Variants in BMPER observed in about 807,000 individuals in gnomAD.
BMPER encodes BMP binding endothelial regulator.
BMPER carries 45 observed loss-of-function variants against 87.3 expected under a neutral mutation model. The observed-to-expected ratio is 0.52, with a 90% CI of 0.41 to 0.66. The LOEUF is 0.66. Among genes scored for constraint, BMPER ranks in the 30% least tolerant of loss-of-function variants. The pLI is 0.00. For missense variants in BMPER, 784 were observed against 867.5 expected (o/e 0.90, Z 1.21); for synonymous variants, 326 against 316.2 (o/e 1.03, Z -0.33).
chr7:34,069,001 TATGA>T (rs1788666905), intron 11 of BMPER, among the ~76,000 whole-genome samples: 1 of 152,234 alleles, frequency 6.6e-6, no homozygotes, highest in East Asian at 1.9e-4. Context: ...GGTGTAGCAT[TATGA>T]CATAGTTCAA....
intron 3 of BMPER, among the ~76,000 whole-genome samples, chr7:33,953,292 C>G (rs1785070652): frequency 6.6e-6 from 1 of 152,234 alleles, no homozygotes; most frequent in Non-Finnish European, 1.5e-5. Context: ...AGACAGGGAA[C>G]TTCTAAGCCT....
chr7:34,008,250 T>A (rs568755673), intron 6 of BMPER, among the ~76,000 whole-genome samples: 1 of 152,050 alleles, frequency 6.6e-6, no homozygotes, highest in African/African-American at 2.4e-5. Flanking sequence ...GTCTTTCATG[T>A]TGATTTCCAA....
intron 3 of BMPER, among the ~76,000 whole-genome samples, chr7:33,965,883 T>C (rs1366481660): frequency 1.3e-5 from 2 of 152,090 alleles, no homozygotes; most frequent in Admixed American, 6.6e-5. Context: ...AGATGGGTAG[T>C]TTCAGATTCG....
intron 6 of BMPER, among the ~76,000 whole-genome samples, chr7:34,024,377 AAAAAAC>A (rs1787287778): frequency 1.2e-4 from 11 of 90,894 alleles, no homozygotes; most frequent in African/African-American, 6.3e-4. Context: ...AAAAAAAAAA[AAAAAAC>A]AATATATATA....
chr7:34,072,435 G>A (rs900885551), intron 11 of BMPER, among the ~76,000 whole-genome samples: 29 of 139,718 alleles, frequency 2.1e-4, no homozygotes, highest in African/African-American at 6.6e-4. Context: ...GAAGAGAATC[G>A]ATTTTTTTTT....
intron 2 of BMPER, among the ~76,000 whole-genome samples, chr7:33,935,533 G>A (rs368727892): frequency 2.8e-4 from 42 of 152,024 alleles, no homozygotes; most frequent in African/African-American, 1.0e-3. Flanking sequence ...GAGTAAATGA[G>A]GTCAGCCCCT....
rs761969260 is a variant in BMPER, at chr7:34,061,979, G to A, written c.1033-23G>A. ...TTTTTTTTTTTTAAACAGTAACTTT[G>A]TATTTGTTTTTCTTCTGATTAGGGC... On this transcript the variant is annotated intron_variant, in intron 10 of 14. Coordinates refer to ENST00000649409, the MANE Select transcript of BMPER (RefSeq NM_001365308.1). 2.7e-6 allele frequency: 4 copies of A among 1,459,388 alleles called. No individual in the cohort carries two copies. In the South Asian group the frequency reaches 3.6e-5, roughly 13 times the overall value. 90.4% of individuals were successfully genotyped at this position (1,459,388 alleles called of 1,614,324 possible).
intron 7 of BMPER, among the ~76,000 whole-genome samples, chr7:34,050,597 T>A (rs1489603749): frequency 6.6e-6 from 1 of 152,170 alleles, no homozygotes; most frequent in African/African-American, 2.4e-5. Flanking sequence ...TTGGGCCTAC[T>A]GATAAACAGA....
chr7:34,134,698 C>T (rs936825593), intron 13 of BMPER, among the ~76,000 whole-genome samples: 1 of 152,076 alleles, frequency 6.6e-6, no homozygotes, highest in African/African-American at 2.4e-5. Context: ...ATCCCTTCCC[C>T]GTTATTAGAT....
In BMPER at chr7:34,154,294, G is replaced by A. The variant is rs2127997721; in HGVS notation, c.*1021G>A. On this transcript the variant is annotated 3_prime_UTR_variant, in exon 15 of 15. Coordinates refer to ENST00000649409, the MANE Select transcript of BMPER (RefSeq NM_001365308.1). ...ATTAGACAGTGGAAAAGCCTTTATT[G>A]ACTAATTGATTTAACCTCAGTCCAA... 1 of 152,316 alleles carries A rather than the reference G, an allele frequency of 6.6e-6. No individual in the cohort carries two copies. Among genetic ancestry groups the A allele is most frequent in the African/African-American group, 2.4e-5 (1 of 41,570 alleles). The allele number at this position is 152,316 out of a possible 1,614,324, so 9.4% of individuals were successfully genotyped here. A position where few individuals can be genotyped will look rare whatever the true frequency, so the allele number is the denominator to read the frequency against.
intron 3 of BMPER, among the ~76,000 whole-genome samples, chr7:33,950,216 G>A (rs930277336): frequency 1.3e-5 from 2 of 152,126 alleles, no homozygotes; most frequent in South Asian, 4.1e-4. Context: ...AATGTTCCTG[G>A]CCATGGTGGA....
intron 13 of BMPER, among the ~76,000 whole-genome samples, chr7:34,137,499 G>A (rs1790749675): frequency 6.6e-6 from 1 of 152,194 alleles, no homozygotes; most frequent in African/African-American, 2.4e-5. Context: ...CACTGTGCTG[G>A]GGGGCTAGAT....
intron 6 of BMPER, among the ~76,000 whole-genome samples, chr7:34,042,398 A>G (rs796308035): frequency 8.5e-5 from 13 of 152,306 alleles, no homozygotes; most frequent in African/African-American, 2.9e-4. Flanking sequence ...ATTTGTCCTT[A>G]TGTATTTTAA....
chr7:34,028,481 G>T (rs569468613), intron 6 of BMPER, among the ~76,000 whole-genome samples: 107 of 151,480 alleles, frequency 7.1e-4, no homozygotes, highest in Admixed American at 2.7e-3. Flanking sequence ...TTTTAAGAGA[G>T]TAAAGGGATC....
At chr7:34,100,430 G>C (rs1027723759) in intron 13 of BMPER, among the ~76,000 whole-genome samples, 1 of 152,140 alleles carries the variant, frequency 6.6e-6, no homozygotes, top group East Asian at 1.9e-4. Flanking sequence ...AGAGGCAGGA[G>C]GAATGGGTCT....
At chr7:34,014,494 C>T (rs1786968950) in intron 6 of BMPER, among the ~76,000 whole-genome samples, 1 of 151,944 alleles carries the variant, frequency 6.6e-6, no homozygotes, top group Non-Finnish European at 1.5e-5. Context: ...TTGAAGGCAT[C>T]ATTGTGATGT....
At chr7:33,964,321 T>G (rs1223837086) in intron 3 of BMPER, among the ~76,000 whole-genome samples, 2 of 152,322 alleles carry the variant, frequency 1.3e-5, no homozygotes, top group East Asian at 1.9e-4. Context: ...TTACATATAC[T>G]AAAGAGATTT....
chr7:33,995,645 C>G (rs1786387442), intron 6 of BMPER, among the ~76,000 whole-genome samples: 1 of 152,204 alleles, frequency 6.6e-6, no homozygotes, highest in South Asian at 2.1e-4. Context: ...TCTAAGCAGA[C>G]AGAGACCCCT....
At chr7:33,943,009 T>G (rs994343636) in intron 3 of BMPER, among the ~76,000 whole-genome samples, 1 of 152,164 alleles carries the variant, frequency 6.6e-6, no homozygotes, top group Non-Finnish European at 1.5e-5. Context: ...CTTTCTTTTC[T>G]TTTTCCCTTC....
Sources: allele counts gnomAD v4.1 joint callset (sites outside exome capture counted in the v4.1 genomes callset), GRCh38; gene constraint gnomAD v4.1.1; transcripts MANE v1.5; gene names NCBI Gene and HGNC (gene_info 2026-07-23, HGNC 2026-07-21).